TMCC1: variants seen among roughly 807,000 people sequenced by gnomAD.
TMCC1 encodes the protein transmembrane and coiled-coil domain family 1.
A neutral mutation model predicts 52.4 loss-of-function variants in TMCC1; 15 were observed. The ratio of observed to expected loss-of-function variants is 0.29; its 90% CI spans 0.19 to 0.44. The LOEUF (loss-of-function observed/expected upper bound fraction) is 0.44, where lower values mean the gene tolerates loss of function less well. TMCC1 is among the 20% of genes least tolerant of loss of function. The pLI is 1.00. For missense variants in TMCC1, 503 were observed against 806.0 expected, an observed-to-expected ratio of 0.62 and a Z score of 4.55; for synonymous variants, 279 against 301.9, an observed-to-expected ratio of 0.92 and a Z score of 0.79.
intron 4 of TMCC1, among the ~76,000 whole-genome samples, chr3:129,678,018 C>A (rs1400000981): frequency 6.6e-6 from 1 of 152,166 alleles, no homozygotes; most frequent in African/African-American, 2.4e-5. Flanking sequence ...CCTCTGCCTC[C>A]TGGGTTCAAG....
In TMCC1 at chr3:129,791,005, C is replaced by T. The variant is rs531799144; in HGVS notation, c.576+36798G>A. Reference sequence around the variant, plus strand: ...CTCTAAGGAAGTTACCCAAGTTACACAAGTTTATTTATTGTTTTCTATCGT... The same window carrying T: ...CTCTAAGGAAGTTACCCAAGTTACATAAGTTTATTTATTGTTTTCTATCGT... On this transcript the variant is annotated intron_variant, in intron 4 of 6. Coordinates refer to ENST00000393238, the MANE Select transcript of TMCC1 (RefSeq NM_001017395.5). Among the ~76,000 whole-genome samples the T allele has an allele frequency of 2.0e-5, 3 of 151,350 alleles. No homozygotes were observed. The East Asian group carries it at 5.8e-4, about 29-fold the overall frequency.
At chr3:129,886,010 G>C (rs1349624841) in intron 1 of TMCC1, among the ~76,000 whole-genome samples, 1 of 152,106 alleles carries the variant, frequency 6.6e-6, no homozygotes, top group Non-Finnish European at 1.5e-5. Context: ...CAAAGTGCTG[G>C]GATTACAGGC....
chr3:129,759,288 G>A (rs1159888007), intron 4 of TMCC1, among the ~76,000 whole-genome samples: 2 of 139,166 alleles, frequency 1.4e-5, no homozygotes, highest in African/African-American at 2.7e-5. Flanking sequence ...TTTTTTTTGA[G>A]ACAGAGCCTT....
intron 4 of TMCC1, among the ~76,000 whole-genome samples, chr3:129,745,848 C>G (rs1459513161): frequency 6.6e-6 from 1 of 151,798 alleles, no homozygotes; most frequent in African/African-American, 2.4e-5. Context: ...CATATAATCC[C>G]AGCTACTCGG....
intron 4 of TMCC1, among the ~76,000 whole-genome samples, chr3:129,674,821 C>T (rs6439191): frequency 0.95 from 145,021 of 152,306 alleles, 69,534 homozygotes; most frequent in Non-Finnish European, 1. Flanking sequence ...TGTTCATATA[C>T]AACAACATAA....
intron 4 of TMCC1, among the ~76,000 whole-genome samples, chr3:129,746,287 C>G (rs2051957840): frequency 6.6e-6 from 1 of 152,008 alleles, no homozygotes. Context: ...TCTCCTGCCT[C>G]AGCCTCCTGA....
At chr3:129,796,662 A>C (rs145260161) in intron 4 of TMCC1, among the ~76,000 whole-genome samples, 12 of 152,242 alleles carry the variant, frequency 7.9e-5, no homozygotes, top group African/African-American at 2.6e-4. Context: ...TCTACAAAAA[A>C]TAAGAATAAG....
chr3:129,715,895 T>A (rs1352424899), intron 4 of TMCC1, among the ~76,000 whole-genome samples: 1 of 152,182 alleles, frequency 6.6e-6, no homozygotes, highest in Non-Finnish European at 1.5e-5. Context: ...TACCTCCATC[T>A]AAGAGACAGA....
rs1358359487 is a variant in TMCC1 at position 129,867,377 on chromosome 3, C to G, written c.-184+12932G>C. 3.3e-5 allele frequency among the ~76,000 whole-genome samples: 5 copies of G among 152,200 alleles called. No homozygotes were observed. The East Asian group carries it at 9.6e-4, about 29-fold the overall frequency. On this transcript the variant is annotated intron_variant, in intron 2 of 6. Coordinates refer to ENST00000393238, the MANE Select transcript of TMCC1 (RefSeq NM_001017395.5). ...AACACAGATCAAATCCTCCTGTAATCGCTTCAACAGTCACCTATTCTCTTC... is the reference window on the plus strand; with the variant it reads ...AACACAGATCAAATCCTCCTGTAATGGCTTCAACAGTCACCTATTCTCTTC...
chr3:129,844,073 A>C (rs903350882), intron 2 of TMCC1, among the ~76,000 whole-genome samples: 4 of 152,208 alleles, frequency 2.6e-5, no homozygotes, highest in Non-Finnish European at 5.9e-5. Flanking sequence ...GCTGGTTCAC[A>C]TTCAAAAATC....
At chr3:129,713,380 T>C (rs1320888199) in intron 4 of TMCC1, among the ~76,000 whole-genome samples, 1 of 152,186 alleles carries the variant, frequency 6.6e-6, no homozygotes, top group African/African-American at 2.4e-5. Flanking sequence ...AGGCAAAAAC[T>C]GGAACTGTTT....
chr3:129,791,088 A>ATTTTTTTTTTT (rs34048545), intron 4 of TMCC1, among the ~76,000 whole-genome samples: 8 of 82,968 alleles, frequency 9.6e-5, no homozygotes, highest in African/African-American at 3.1e-4. Context: ...ACACTCCATA[A>ATTTTTTTTTTT]TTTTTTTTTT....
At chr3:129,742,796 T>C (rs2051576379) in intron 4 of TMCC1, among the ~76,000 whole-genome samples, 1 of 152,184 alleles carries the variant, frequency 6.6e-6, no homozygotes, top group Non-Finnish European at 1.5e-5. Context: ...AAATGTGACA[T>C]ATCCACATAA....
At chr3:129,740,171 C>T (rs1401753881) in intron 4 of TMCC1, among the ~76,000 whole-genome samples, 1 of 152,172 alleles carries the variant, frequency 6.6e-6, no homozygotes, top group Non-Finnish European at 1.5e-5. Context: ...AGCCTGGGCC[C>T]AATATATACT....
intron 4 of TMCC1, among the ~76,000 whole-genome samples, chr3:129,752,571 C>T (rs2052624579): frequency 6.6e-6 from 1 of 151,992 alleles, no homozygotes; most frequent in Admixed American, 6.6e-5. Context: ...GAGGCTGAGG[C>T]AGAAGAATCG....
intron 4 of TMCC1, among the ~76,000 whole-genome samples, chr3:129,757,323 C>T (rs2053101762): frequency 6.6e-6 from 1 of 152,112 alleles, no homozygotes; most frequent in African/African-American, 2.4e-5. Flanking sequence ...CCTGCCACCT[C>T]CAGTCTTCCC....
chr3:129,757,265 C>T (rs1395710285), intron 4 of TMCC1, among the ~76,000 whole-genome samples: 1 of 152,172 alleles, frequency 6.6e-6, no homozygotes, highest in Non-Finnish European at 1.5e-5. Context: ...GGTCCTTCCT[C>T]CCTTTTTCTT....
intron 4 of TMCC1, among the ~76,000 whole-genome samples, chr3:129,704,713 C>T (rs761808838): frequency 1.3e-5 from 2 of 152,200 alleles, no homozygotes; most frequent in Non-Finnish European, 2.9e-5. Flanking sequence ...CCACTACACT[C>T]GGCCCGGGCA....
At chr3:129,688,369 T>G in intron 4 of TMCC1, 1 of 985,420 alleles carries the variant, frequency 1.0e-6, no homozygotes, top group Non-Finnish European at 1.2e-6. Context: ...CTGCACATAC[T>G]TGGTTTCCGA....
Sources: gnomAD v4.1 joint callset for allele counts (sites outside exome capture counted in the v4.1 genomes callset) on GRCh38, gnomAD v4.1.1 for gene constraint, MANE v1.5 for transcripts, NCBI Gene and HGNC (gene_info 2026-07-23, HGNC 2026-07-21) for gene names.